AASDHPPT: variants seen among roughly 807,000 people sequenced by gnomAD.
AASDHPPT encodes the protein aminoadipate-semialdehyde dehydrogenase-phosphopantetheinyl transferase.
Under a neutral mutation model 36.4 loss-of-function variants are expected in AASDHPPT, and 23 were observed. That is an observed-to-expected ratio of 0.63 (90% CI 0.45 to 0.89). The LOEUF (loss-of-function observed/expected upper bound fraction) is 0.89, where lower values mean the gene tolerates loss of function less well. Among genes scored for constraint, AASDHPPT ranks in the 40% least tolerant of loss-of-function variants. The pLI, the probability that AASDHPPT is intolerant of heterozygous loss-of-function variation, is 0.00. For synonymous variants in AASDHPPT, 115 were observed against 128.0 expected (o/e 0.90, Z 0.68); for missense variants, 377 against 378.2 (o/e 1.00, Z 0.03).
rs201501289 is a variant in AASDHPPT, at chr11:106,077,673, A to C, written c.-38A>C. 1 of 1,595,262 alleles carries C rather than the reference A, an allele frequency of 6.3e-7. No homozygotes were observed. Among genetic ancestry groups the C allele is most frequent in the African/African-American group, 1.3e-5 (1 of 74,268 alleles). On this transcript the variant is annotated 5_prime_UTR_variant, in exon 1 of 6. Transcript: ENST00000278618. ...GTGGGGCCACGTTTGCGTCCGCGCC[A>C]TCAGGCCCGAGATAGCGGCGAGGTC...
At chr11:106,091,579 G>A (rs2135043744) in intron 4 of AASDHPPT, 102 bp downstream of exon 4, 1 of 1,163,666 alleles carries the variant, frequency 8.6e-7, no homozygotes, top group South Asian at 1.7e-5. Flanking sequence ...GGACGCAACT[G>A]AATCCAGTCC....
intron 4 of AASDHPPT, chr11:106,093,005 A>G (rs951123730): frequency 8.5e-5 from 13 of 152,136 alleles, no homozygotes; most frequent in African/African-American, 3.1e-4. Flanking sequence ...GTCGTGGAGC[A>G]TCTATACTAA....
rs1861106766 is a variant in AASDHPPT, at chr11:106,079,400, T to C, written c.184-67T>C. On this transcript the variant is annotated intron_variant, in intron 1 of 5. Coordinates refer to ENST00000278618, the MANE Select transcript of AASDHPPT (RefSeq NM_015423.3). ...TTTTAGAAACCAAAAAAAAGTACTA[T>C]TGCATACAGTGTGCTTGTATCTTTA... 4 of 1,335,816 alleles carry C rather than the reference T, an allele frequency of 3.0e-6. No individual in the cohort carries two copies. In the African/African-American group the frequency reaches 5.9e-5, roughly 20 times the overall value. The allele number at this position is 1,335,816 out of a possible 1,614,324, so 82.7% of individuals were successfully genotyped here. A position where few individuals can be genotyped will look rare whatever the true frequency, so the allele number is the denominator to read the frequency against.
chr11:106,092,827 C>T (rs1861268459), intron 4 of AASDHPPT: 1 of 152,024 alleles, frequency 6.6e-6, no homozygotes, highest in East Asian at 1.9e-4. Flanking sequence ...ATAAATGAGG[C>T]TTTGTGTTAG....
chr11:106,081,192 T>G (rs1405491012), intron 2 of AASDHPPT, among the ~76,000 whole-genome samples: 1 of 152,336 alleles, frequency 6.6e-6, no homozygotes, highest in East Asian at 1.9e-4. Context: ...TGTGAATCTC[T>G]TCTCCCTTTT....
chr11:106,091,607 A>C, intron 4 of AASDHPPT, 130 bp downstream of exon 4: 1 of 849,210 alleles, frequency 1.2e-6, no homozygotes, highest in Non-Finnish European at 1.8e-6. Context: ...CTGAAAGTGA[A>C]ATCAGGGCTA....
chr11:106,079,449 G>GT lies in AASDHPPT; in HGVS notation c.184-14dup, dbSNP rs1223803153. On this transcript the variant is annotated splice_polypyrimidine_tract_variant and intron_variant, in intron 1 of 5. Coordinates refer to ENST00000278618, the MANE Select transcript of AASDHPPT (RefSeq NM_015423.3). ...TAGTAGACATCAGTACATACCAAATGTTTTATGTACTTAACAGGCTGGTCG... is the reference window on the plus strand; with the variant it reads ...TAGTAGACATCAGTACATACCAAATGTTTTTATGTACTTAACAGGCTGGTCG... 6.4e-7 allele frequency: 1 copy of GT among 1,569,086 alleles called. No homozygotes were observed. Among genetic ancestry groups the GT allele is most frequent in the East Asian group, 2.3e-5 (1 of 43,266 alleles).
At chr11:106,096,720 G>A in intron 5 of AASDHPPT, 23 bp from the exon 6 acceptor site, 2 of 1,543,070 alleles carry the variant, frequency 1.3e-6, no homozygotes, top group Non-Finnish European at 1.7e-6. Context: ...ATAACAATAA[G>A]GTAATCTGCT....
chr11:106,077,740 G>C lies in AASDHPPT; in HGVS notation c.30G>C (p.Leu10Phe). The change falls in exon 1 of 6, where the codon TTG (leucine) becomes TTC (phenylalanine). Residue 10 changes from leucine (L) to phenylalanine (F), a missense_variant. Coordinates refer to ENST00000278618, the MANE Select transcript of AASDHPPT (RefSeq NM_015423.3). ...TTTTCCCTGCCAAACGGTTCTGCTT[G>C]GTGCCATCCATGGAGGGCGTGCGCT... Reference protein sequence around the residue: MVFPAKRFCLVPSMEGVRWA... With the variant: MVFPAKRFCFVPSMEGVRWA... The C allele has an allele frequency of 6.2e-7, 1 of 1,614,120 alleles. No individual in the cohort carries two copies. The highest frequency in any genetic ancestry group is 1.1e-5 in the South Asian group (1 of 91,086).
chr11:106,092,995 G>A (rs1369922156), intron 4 of AASDHPPT: 1 of 152,154 alleles, frequency 6.6e-6, no homozygotes, highest in East Asian at 1.9e-4. Flanking sequence ...ATCATCGTGA[G>A]TCGTGGAGCA....
chr11:106,090,749 C>T (rs2135043043), intron 3 of AASDHPPT, 71 bp downstream of exon 3: 2 of 1,534,026 alleles, frequency 1.3e-6, no homozygotes, highest in Non-Finnish European at 1.7e-6. Context: ...AATCAGAGTC[C>T]TTGGTTACCC....
chr11:106,096,824 C>G lies in AASDHPPT; in HGVS notation c.847C>G (p.Pro283Ala). The G allele has an allele frequency of 6.2e-7, 1 of 1,611,602 alleles. No individual in the cohort carries two copies. Among genetic ancestry groups the G allele is most frequent in the Non-Finnish European group, 8.5e-7 (1 of 1,178,844 alleles). The change falls in exon 6 of 6, where the codon CCC becomes GCC. Residue 283 changes from proline to alanine, a missense_variant. Coordinates refer to ENST00000278618, the MANE Select transcript of AASDHPPT (RefSeq NM_015423.3). Reference protein sequence around the residue: ...NFNDLMSSAVPMTPEDPSFWD... With the variant: ...NFNDLMSSAVAMTPEDPSFWD... ...TAATGATTTAATGTCATCTGCCGTTCCCATGACACCTGAAGATCCTTCATT... is the reference window on the plus strand; with the variant it reads ...TAATGATTTAATGTCATCTGCCGTTGCCATGACACCTGAAGATCCTTCATT...
chr11:106,096,926 A>C lies in AASDHPPT; in HGVS notation c.*19A>C. 6.3e-7 allele frequency: 1 copy of C among 1,576,818 alleles called. No homozygotes were observed. The highest frequency in any genetic ancestry group is 8.6e-7 in the Non-Finnish European group (1 of 1,164,976). On this transcript the variant is annotated 3_prime_UTR_variant, in exon 6 of 6. Transcript: ENST00000278618. ...GTCATGATGATTCCCTGAGTAACAA[A>C]GGGAAATGAAAACTGTTTGTGATCT...
In AASDHPPT at chr11:106,079,527, A is replaced by G. The variant is rs1287410748; in HGVS notation, c.244A>G (p.Ile82Val). Reference protein sequence around the residue: ...AEKLNIPWNHIRLQRTAKGKP... With the variant: ...AEKLNIPWNHVRLQRTAKGKP... ...GAAATTGAATATCCCTTGGAATCAT[A>G]TTCGTTTGCAAAGAACTGCAAAAGG... The change falls in exon 2 of 6, where the codon ATT becomes GTT. Residue 82 changes from isoleucine (I) to valine (V), a missense_variant. Physicochemically the swap from Ile to Val is conservative, Grantham distance 29. Transcript: ENST00000278618. 2 of 1,614,042 alleles carry G rather than the reference A, an allele frequency of 1.2e-6. No homozygotes were observed. The highest frequency in any genetic ancestry group is 1.7e-5 in the Admixed American group (1 of 60,000).
intron 3 of AASDHPPT, 29 bp from the exon 4 acceptor site, chr11:106,091,287 C>T (rs1861254428): frequency 6.4e-7 from 1 of 1,560,386 alleles, no homozygotes; most frequent in Non-Finnish European, 8.6e-7. Context: ...CCACCAAATT[C>T]TAAGAGAAAA....
At chr11:106,081,160 A>G (rs1301721802) in intron 2 of AASDHPPT, among the ~76,000 whole-genome samples, 2 of 152,218 alleles carry the variant, frequency 1.3e-5, no homozygotes, top group Admixed American at 1.3e-4. Context: ...CTGTGCTGTT[A>G]GAGTATAGGC....
intron 2 of AASDHPPT, among the ~76,000 whole-genome samples, chr11:106,083,090 A>G (rs1029480456): frequency 6.6e-6 from 1 of 152,104 alleles, no homozygotes; most frequent in African/African-American, 2.4e-5. Context: ...TAGTTTTAGA[A>G]ACTCACACAT....
At chr11:106,084,181 G>A (rs1028532107) in intron 2 of AASDHPPT, among the ~76,000 whole-genome samples, 19 of 152,106 alleles carry the variant, frequency 1.2e-4, no homozygotes, top group African/African-American at 4.6e-4. Flanking sequence ...CTTAGAGCTT[G>A]TGAAAATGTC....
At chr11:106,077,985 C>T in intron 1 of AASDHPPT, 92 bp downstream of exon 1, 1 of 1,446,248 alleles carries the variant, frequency 6.9e-7, no homozygotes, top group Non-Finnish European at 9.3e-7. Context: ...CCCGCGCTGG[C>T]CGCGACCCTC....
Sources: gnomAD v4.1 joint callset for allele counts (sites outside exome capture counted in the v4.1 genomes callset) on GRCh38, gnomAD v4.1.1 for gene constraint, MANE v1.5 for transcripts, NCBI Gene and HGNC (gene_info 2026-07-23, HGNC 2026-07-21) for gene names.